AGBL1: variants seen among roughly 807,000 people sequenced by gnomAD.
The protein encoded by AGBL1 is cytosolic carboxypeptidase 4.
A neutral mutation model predicts 118.9 loss-of-function variants in AGBL1; 130 were observed. The ratio of observed to expected loss-of-function variants is 1.09; its 90% CI spans 0.95 to 1.26. The LOEUF is 1.26. Among genes scored for constraint, AGBL1 ranks in the 50% most tolerant of loss-of-function variants. The pLI is 0.00. For synonymous variants in AGBL1, 555 were observed against 478.9 expected (o/e 1.16, Z -2.08); for missense variants, 1,584 against 1,298.1 (o/e 1.22, Z -3.38).
intron 18 of AGBL1, among the ~76,000 whole-genome samples, chr15:86,439,642 A>C (rs186697729): frequency 5.8e-4 from 88 of 152,370 alleles, no homozygotes; most frequent in African/African-American, 2.0e-3. Context: ...AGACAAGGCA[A>C]TACTGAGCAA....
chr15:86,258,738 A>T (rs1183933645), intron 9 of AGBL1, among the ~76,000 whole-genome samples: 1 of 151,816 alleles, frequency 6.6e-6, no homozygotes, highest in Non-Finnish European at 1.5e-5. Flanking sequence ...ACAGAGTCTC[A>T]CTCGTGTCAC....
chr15:86,528,375 C>T (rs941501112), intron 19 of AGBL1, among the ~76,000 whole-genome samples: 1 of 152,208 alleles, frequency 6.6e-6, no homozygotes, highest in Non-Finnish European at 1.5e-5. Flanking sequence ...AGGTCACTCC[C>T]ACCCGAATAT....
At chr15:86,191,363 A>AAAAAT (rs2077717976) in intron 5 of AGBL1, among the ~76,000 whole-genome samples, 1 of 150,570 alleles carries the variant, frequency 6.6e-6, no homozygotes, top group East Asian at 2.0e-4. Flanking sequence ...AAAAAAAAAA[A>AAAAAT]AAAAAAAGAG....
rs1226981308 is a variant in AGBL1, at chr15:86,364,988, T to TAC, written c.2375-32368_2375-32367dup. On this transcript the variant is annotated intron_variant, in intron 17 of 22. Transcript: ENST00000614907. ...ATATATATATATATATATATATATA[T>TAC]ACACACACACATATATATATACACA... Among the ~76,000 whole-genome samples the TAC allele has an allele frequency of 4.5e-4, 47 of 103,584 alleles. 1 individual carries two copies. The highest frequency in any genetic ancestry group is 1.4e-3 in the East Asian group (5 of 3,584). 68.0% of individuals were successfully genotyped at this position (103,584 alleles called of 152,430 possible). A position where few individuals can be genotyped will look rare whatever the true frequency, so the allele number is the denominator to read the frequency against.
chr15:86,332,359 A>G (rs949422294), intron 17 of AGBL1, among the ~76,000 whole-genome samples: 3 of 151,868 alleles, frequency 2.0e-5, no homozygotes, highest in Non-Finnish European at 4.4e-5. Flanking sequence ...AAACTAACAA[A>G]CTCCGGGCCA....
chr15:86,264,000 A>T (rs532189904), intron 10 of AGBL1, among the ~76,000 whole-genome samples: 2 of 152,324 alleles, frequency 1.3e-5, no homozygotes, highest in East Asian at 3.9e-4. Context: ...ATTGTAATTT[A>T]GTAGGGGGTC....
chr15:86,107,050 C>A (rs1897094322), intron 1 of AGBL1, among the ~76,000 whole-genome samples: 1 of 152,044 alleles, frequency 6.6e-6, no homozygotes, highest in Non-Finnish European at 1.5e-5. Flanking sequence ...GAGAAGGAGA[C>A]CAATTAAAGT....
chr15:86,877,049 C>T (rs917324389), intron 22 of AGBL1, among the ~76,000 whole-genome samples: 1 of 152,150 alleles, frequency 6.6e-6, no homozygotes, highest in African/African-American at 2.4e-5. Context: ...ACTCATCTCA[C>T]TCACTGCACT....
At chr15:86,941,606 G>A (rs924718750) in intron 23 of AGBL1, among the ~76,000 whole-genome samples, 1 of 152,172 alleles carries the variant, frequency 6.6e-6, no homozygotes, top group Non-Finnish European at 1.5e-5. Flanking sequence ...AATATACGTA[G>A]AGAAGCCATC....
chr15:86,271,437 C>T (rs1165377858), intron 14 of AGBL1, among the ~76,000 whole-genome samples, 182 bp from the exon 15 acceptor site: 2 of 152,282 alleles, frequency 1.3e-5, no homozygotes, highest in South Asian at 2.1e-4. Context: ...ATTTAGGGCT[C>T]ACCAGGATAA....
intron 5 of AGBL1, among the ~76,000 whole-genome samples, chr15:86,213,974 C>T (rs547567709): frequency 1.3e-5 from 2 of 152,276 alleles, no homozygotes; most frequent in Admixed American, 1.3e-4. Context: ...CTCTATTTCT[C>T]ATCATTTTAT....
Position 86,565,720 on chromosome 15 carries a change from C to T in AGBL1, c.2994+11183C>T, listed in dbSNP as rs538272639. ...CTGCCTTTTGTTTGGCTATGCCCTG[C>T]CTCCAGAGGTGGAGTCTACAGAGGC... On this transcript the variant is annotated intron_variant, in intron 21 of 22. Transcript: ENST00000614907. 7.2e-5 allele frequency among the ~76,000 whole-genome samples: 11 copies of T among 152,362 alleles called. No homozygotes were observed. The East Asian group carries it at 2.1e-3, about 29-fold the overall frequency.
At chr15:86,338,849 A>G (rs894516126) in intron 17 of AGBL1, among the ~76,000 whole-genome samples, 3 of 152,130 alleles carry the variant, frequency 2.0e-5, no homozygotes, top group Admixed American at 6.5e-5. Flanking sequence ...TCTGCTCTCA[A>G]TGCTAGGAGG....
chr15:86,917,994 T>C (rs181858010), downstream of AGBL1, among the ~76,000 whole-genome samples: 2 of 152,224 alleles, frequency 1.3e-5, no homozygotes, highest in Non-Finnish European at 2.9e-5. This position sits in a 1 kb window ranked among gnomAD's most constrained non-coding sequence, Gnocchi z 4.8. Flanking sequence ...GTTCTCATTA[T>C]ATTTTGCATA....
chr15:86,491,476 T>C (rs1321866343), intron 18 of AGBL1, among the ~76,000 whole-genome samples: 1 of 152,088 alleles, frequency 6.6e-6, no homozygotes, highest in Non-Finnish European at 1.5e-5. Flanking sequence ...AGGGATGTGG[T>C]ACAGCAATTA....
chr15:86,529,631 A>G (rs1309546503), intron 19 of AGBL1, among the ~76,000 whole-genome samples: 1 of 134,882 alleles, frequency 7.4e-6, no homozygotes, highest in Non-Finnish European at 1.5e-5. Context: ...CTCCTCGAGA[A>G]GAGCAACTCC....
chr15:86,407,215 A>G (rs2081542345), intron 18 of AGBL1, among the ~76,000 whole-genome samples: 1 of 152,218 alleles, frequency 6.6e-6, no homozygotes. Context: ...TAAACTGTTT[A>G]ATTTCATTTT....
chr15:87,029,003 T>A (rs371645959), exon 25 of AGBL1: 9 of 636,660 alleles, frequency 1.4e-5, no homozygotes, highest in African/African-American at 1.1e-4. Flanking sequence ...TCTACCTCCA[T>A]AAGAAAACAT....
chr15:86,801,683 T>G (rs2078652425), intron 22 of AGBL1, among the ~76,000 whole-genome samples: 3 of 152,158 alleles, frequency 2.0e-5, no homozygotes, highest in African/African-American at 7.2e-5. Context: ...TAGATTCTTT[T>G]TAACTTTAAC....
Sources: allele counts gnomAD v4.1 joint callset (sites outside exome capture counted in the v4.1 genomes callset), GRCh38; gene constraint gnomAD v4.1.1; non-coding constraint Gnocchi (gnomAD v3.1); transcripts MANE v1.5; gene names NCBI Gene and HGNC (gene_info 2026-07-23, HGNC 2026-07-21).